The following KCNT1 variants were observed in gnomAD, a reference collection of about 807,000 sequenced individuals.
The protein encoded by KCNT1 is potassium channel subfamily T member 1.
A neutral mutation model predicts 147.8 loss-of-function variants in KCNT1; 78 were observed. The ratio of observed to expected loss-of-function variants is 0.53; its 90% confidence interval spans 0.44 to 0.64. The LOEUF (loss-of-function observed/expected upper bound fraction) is 0.64. Among genes scored for constraint, KCNT1 ranks in the 30% least tolerant of loss-of-function variants. KCNT1 has a pLI of 0.00. For missense variants in KCNT1, 1,419 were observed against 1,750.3 expected (o/e 0.81, Z 3.38); for synonymous variants, 867 against 748.8 (o/e 1.16, Z -2.58).
rs528315855 is a variant in KCNT1, at chr9:135,748,089, G to A, written c.255-2009G>A. ...CCCCAGAAGCTGGGACTACAGGCAC[G>A]TGCCGCCATGCCTGGCTACTTTTTA... On this transcript the variant is annotated intron_variant, in intron 2 of 30. Coordinates refer to ENST00000371757, the MANE Select transcript of KCNT1 (RefSeq NM_020822.3). Among the ~76,000 whole-genome samples the A allele has an allele frequency of 7.2e-5, 11 of 152,246 alleles. No individual in the cohort carries two copies. In the East Asian group the frequency reaches 7.7e-4, roughly 11 times the overall value.
At chr9:135,735,191 G>A (rs955506089) in intron 2 of KCNT1, among the ~76,000 whole-genome samples, 3 of 152,222 alleles carry the variant, frequency 2.0e-5, no homozygotes, top group Non-Finnish European at 4.4e-5. Flanking sequence ...GCATAGGAGC[G>A]TGTGCTCAGA....
chr9:135,733,053 G>A (rs1830170277), intron 2 of KCNT1, among the ~76,000 whole-genome samples: 1 of 151,946 alleles, frequency 6.6e-6, no homozygotes, highest in African/African-American at 2.4e-5. Flanking sequence ...TACCTCCTCT[G>A]TGACTCCCCT....
Position 135,769,978 on chromosome 9 carries a change from C to G in KCNT1, c.1542C>G (p.Tyr514Ter). 6.4e-7 allele frequency: 1 copy of G among 1,556,056 alleles called. No individual in the cohort carries two copies. The highest frequency in any genetic ancestry group is 1.9e-5 in the Admixed American group (1 of 52,080). ...DHVVCEEECK[Y>*]AMLALNCICP... ...TGGTGTGTGAGGAGGAGTGCAAGTA[C>G]GCCATGCTGGCGCTGAACTGCATCT... The change falls in exon 16 of 31, where the codon TAC becomes TAG. Residue 514 changes from tyrosine (Y) to a stop codon, truncating the protein, a stop_gained. Transcript: ENST00000371757. LOFTEE classifies it high-confidence loss of function.
intron 2 of KCNT1, among the ~76,000 whole-genome samples, chr9:135,727,157 C>CCTCCCTCTCCCT (rs1490761034): frequency 6.3e-5 from 1 of 15,788 alleles, no homozygotes; most frequent in Non-Finnish European, 1.4e-4. Flanking sequence ...TCTCTCCCCC[C>CCTCCCTCTCCCT]CTCCCTCCCC....
At chr9:135,724,473 C>T (rs891085759) in intron 2 of KCNT1, among the ~76,000 whole-genome samples, 2 of 152,238 alleles carry the variant, frequency 1.3e-5, no homozygotes, top group African/African-American at 4.8e-5. Flanking sequence ...CAGTGGTCGG[C>T]GAGGGGCGTG....
chr9:135,721,651 T>C (rs771721708), intron 2 of KCNT1, among the ~76,000 whole-genome samples: 2 of 152,234 alleles, frequency 1.3e-5, no homozygotes, highest in African/African-American at 2.4e-5. Flanking sequence ...TCTGGTTTAT[T>C]GGAGCAGGAA....
intron 5 of KCNT1, among the ~76,000 whole-genome samples, chr9:135,754,604 C>A (rs1441422258): frequency 3.3e-5 from 5 of 152,198 alleles, no homozygotes; most frequent in Non-Finnish European, 7.3e-5. Flanking sequence ...AGCAGATGGC[C>A]CCCTGCAGCC....
intron 11 of KCNT1, among the ~76,000 whole-genome samples, chr9:135,764,365 C>T (rs1448406873): frequency 6.6e-6 from 1 of 152,176 alleles, no homozygotes; most frequent in Non-Finnish European, 1.5e-5. Context: ...GAGGTTGAGG[C>T]AGGAGGATGG....
intron 1 of KCNT1, among the ~76,000 whole-genome samples, chr9:135,711,969 C>T (rs140128023): frequency 2.0e-5 from 3 of 152,366 alleles, no homozygotes; most frequent in East Asian, 3.9e-4. Flanking sequence ...TCTCCCTTCA[C>T]GCATGAGCAT....
intron 10 of KCNT1, 65 bp downstream of exon 10, chr9:135,758,573 C>A: frequency 1.5e-6 from 2 of 1,304,520 alleles, no homozygotes; most frequent in East Asian, 2.3e-5. Context: ...CAAGCAGGGC[C>A]GGGCGAGGGG....
At chr9:135,757,656 G>A (rs959213502) in intron 9 of KCNT1, among the ~76,000 whole-genome samples, 5 of 152,342 alleles carry the variant, frequency 3.3e-5, no homozygotes, top group African/African-American at 9.6e-5. Flanking sequence ...ACAAAGTGAA[G>A]GGTGTGACAA....
intron 2 of KCNT1, among the ~76,000 whole-genome samples, chr9:135,728,926 G>A (rs143902661): frequency 3.1e-3 from 474 of 152,290 alleles, no homozygotes; most frequent in Non-Finnish European, 5.1e-3. Context: ...CATGGTGTTC[G>A]GGATTGAACT....
rs548522704 is a variant in KCNT1 at position 135,745,000 on chromosome 9, G to A, written c.255-5098G>A. Reference sequence around the variant, plus strand: ...CCCCCTGTGGCGAGTGTGTGGCTGCGCCCTGAGCCCGCCTCCCAGGGTGGG... The same window carrying A: ...CCCCCTGTGGCGAGTGTGTGGCTGCACCCTGAGCCCGCCTCCCAGGGTGGG... On this transcript the variant is annotated intron_variant, in intron 2 of 30. Coordinates refer to ENST00000371757, the MANE Select transcript of KCNT1 (RefSeq NM_020822.3). 3.3e-3 allele frequency among the ~76,000 whole-genome samples: 507 copies of A among 152,308 alleles called. 3 individuals carry two copies. The highest frequency in any genetic ancestry group is 0.011 in the African/African-American group (452 of 41,580).
chr9:135,756,420 G>A (rs748994710), intron 6 of KCNT1, among the ~76,000 whole-genome samples: 2 of 152,136 alleles, frequency 1.3e-5, no homozygotes, highest in African/African-American at 2.4e-5. Context: ...TGGGTCCCAT[G>A]TCTCCATCTG....
At chr9:135,762,850 G>A (rs1729805598) in intron 11 of KCNT1, among the ~76,000 whole-genome samples, 1 of 152,230 alleles carries the variant, frequency 6.6e-6, no homozygotes, top group Non-Finnish European at 1.5e-5. Flanking sequence ...CGGAACAAAT[G>A]CGCCATCGTC....
chr9:135,714,731 G>GAC lies in KCNT1; in HGVS notation c.254+11_254+12insAC. ...CCAGAACGACGACAGGTAGGGACCGGGCGCGGGGTGGGGGCTGGGGTCGCC... is the reference window on the plus strand; with the variant it reads ...CCAGAACGACGACAGGTAGGGACCGGACGCGCGGGGTGGGGGCTGGGGTCGCC... On this transcript the variant is annotated intron_variant, in intron 2 of 30. Coordinates refer to ENST00000371757, the MANE Select transcript of KCNT1 (RefSeq NM_020822.3). The surrounding 1 kb of genome is among the most constrained non-coding windows in gnomAD (Gnocchi z 6.2). 7.4e-7 allele frequency: 1 copy of GAC among 1,356,578 alleles called. No homozygotes were observed. The highest frequency in any genetic ancestry group is 9.6e-7 in the Non-Finnish European group (1 of 1,042,072). 84.0% of individuals were successfully genotyped at this position (1,356,578 alleles called of 1,614,324 possible).
At position 135,713,816 on chromosome 9, in the gene KCNT1, C is replaced by T. The variant is rs556495044; in HGVS notation, c.111-761C>T. On this transcript the variant is annotated intron_variant, in intron 1 of 30. Coordinates refer to ENST00000371757, the MANE Select transcript of KCNT1 (RefSeq NM_020822.3). ...AAAGATGCAAGACCCCTGGAAGACA[C>T]CTGCTTGGGCCCCCAAGAACTGCAG... Among the ~76,000 whole-genome samples, 12 of 152,320 alleles carry T rather than the reference C, an allele frequency of 7.9e-5. No individual in the cohort carries two copies. In the South Asian group the frequency reaches 2.1e-3, roughly 26 times the overall value.
intron 2 of KCNT1, among the ~76,000 whole-genome samples, chr9:135,720,188 A>T (rs912295825): frequency 3.3e-5 from 5 of 151,862 alleles, no homozygotes; most frequent in African/African-American, 7.3e-5. Context: ...CACCCCTTCC[A>T]TTCACCCGAC....
intron 2 of KCNT1, among the ~76,000 whole-genome samples, chr9:135,731,733 G>A (rs1271067213): frequency 6.6e-6 from 1 of 151,632 alleles, no homozygotes; most frequent in African/African-American, 2.4e-5. Flanking sequence ...ATCCTCTGGT[G>A]CTTAGTTCAC....
Sources: allele counts gnomAD v4.1 joint callset (sites outside exome capture counted in the v4.1 genomes callset), GRCh38; gene constraint gnomAD v4.1.1; non-coding constraint Gnocchi (gnomAD v3.1); transcripts MANE v1.5; gene names NCBI Gene and HGNC (gene_info 2026-07-23, HGNC 2026-07-21).